ZMYND8: variants seen among roughly 807,000 people sequenced by gnomAD.
ZMYND8 encodes the protein MYND-type zinc finger-containing chromatin reader ZMYND8.
Under a neutral mutation model 140.8 loss-of-function variants are expected in ZMYND8, and 37 were observed. That is an observed-to-expected ratio of 0.26 (90% confidence interval 0.20 to 0.35). The LOEUF is 0.35. ZMYND8 is among the 10% of genes least tolerant of loss of function. The pLI, the probability that ZMYND8 is intolerant of heterozygous loss-of-function variation, is 1.00. For missense variants in ZMYND8, 1,068 were observed against 1,570.0 expected (o/e 0.68, Z 5.40); for synonymous variants, 592 against 597.1 (o/e 0.99, Z 0.12).
intron 18 of ZMYND8, among the ~76,000 whole-genome samples, chr20:47,225,502 G>A (rs1198552708): frequency 2.8e-5 from 4 of 140,736 alleles, no homozygotes; most frequent in East Asian, 2.2e-4. Context: ...TCAGTGAACC[G>A]AGATCATGCC....
At chr20:47,275,156 C>A (rs1245220364) in intron 11 of ZMYND8, among the ~76,000 whole-genome samples, 1 of 152,164 alleles carries the variant, frequency 6.6e-6, no homozygotes, top group Non-Finnish European at 1.5e-5. Flanking sequence ...GGAGATTTTA[C>A]TTAAAAACCT....
chr20:47,292,904 T>A (rs893185216), intron 5 of ZMYND8, among the ~76,000 whole-genome samples: 1 of 150,962 alleles, frequency 6.6e-6, no homozygotes, highest in Non-Finnish European at 1.5e-5. Context: ...ATAATAATAA[T>A]AAAAAAGTTA....
At chr20:47,247,140 G>C (rs1008743590) in intron 13 of ZMYND8, among the ~76,000 whole-genome samples, 4 of 152,244 alleles carry the variant, frequency 2.6e-5, no homozygotes, top group Non-Finnish European at 4.4e-5. Flanking sequence ...GGCCCACAGG[G>C]TATCTTGTCT....
intron 21 of ZMYND8, among the ~76,000 whole-genome samples, chr20:47,214,036 C>A (rs566348452): frequency 6.6e-6 from 1 of 151,168 alleles, no homozygotes; most frequent in Non-Finnish European, 1.5e-5. Context: ...GCTCATACCC[C>A]TAACTAAAAT....
At chr20:47,214,124 T>C (rs2035706501) in intron 21 of ZMYND8, among the ~76,000 whole-genome samples, 1 of 152,214 alleles carries the variant, frequency 6.6e-6, no homozygotes, top group African/African-American at 2.4e-5. Flanking sequence ...CTTGACGTTT[T>C]TAAAACCCAT....
intron 2 of ZMYND8, among the ~76,000 whole-genome samples, chr20:47,329,204 C>T (rs1049707481): frequency 2.0e-5 from 3 of 152,192 alleles, no homozygotes; most frequent in Non-Finnish European, 4.4e-5. Flanking sequence ...CTACAGCATT[C>T]AGCACAGCAT....
intron 5 of ZMYND8, among the ~76,000 whole-genome samples, chr20:47,292,419 A>C (rs1279490585): frequency 6.8e-6 from 1 of 147,420 alleles, no homozygotes; most frequent in Non-Finnish European, 1.5e-5. Flanking sequence ...ATACCATAGC[A>C]AAAAAAAAAC....
chr20:47,347,651 TACACA>T (rs1472919434), intron 2 of ZMYND8, among the ~76,000 whole-genome samples, 200 bp downstream of exon 2: 1 of 152,170 alleles, frequency 6.6e-6, no homozygotes, highest in Non-Finnish European at 1.5e-5. Flanking sequence ...TCAGGACCCC[TACACA>T]GGCACCAGGG....
In ZMYND8 at chr20:47,262,386, G is replaced by A. The variant is rs759136875; in HGVS notation, c.1523C>T (p.Ser508Phe). Residue 508 changes from serine (S) to phenylalanine (F), a missense_variant, in exon 12 of 23, where the codon TCC becomes TTC. By Grantham distance (155) the Ser-to-Phe change is radical (BLOSUM62 -2). Coordinates refer to ENST00000471951, the MANE Select transcript of ZMYND8 (RefSeq NM_001281775.3). Reference sequence around the variant, plus strand: ...AGGAGAGAAGGGCTTTGGGCTGCCGGATAAACTCCCTGCTTGTCCCGTCTT... The same window carrying A: ...AGGAGAGAAGGGCTTTGGGCTGCCGAATAAACTCCCTGCTTGTCCCGTCTT... Reference protein sequence around the residue: ...STKTGQAGSLSGSPKPFSPQL... With the variant: ...STKTGQAGSLFGSPKPFSPQL... 1 of 1,614,048 alleles carries A rather than the reference G, an allele frequency of 6.2e-7. No individual in the cohort carries two copies.
intron 1 of ZMYND8, chr20:47,349,984 T>A (rs570685647): frequency 6.6e-7 from 1 of 1,516,928 alleles, no homozygotes; most frequent in South Asian, 1.2e-5. Flanking sequence ...CAGGCAGGAA[T>A]GCTGCTGAGA....
intron 3 of ZMYND8, among the ~76,000 whole-genome samples, chr20:47,306,879 G>C (rs2078529239): frequency 6.6e-6 from 1 of 152,190 alleles, no homozygotes. Context: ...TTCAGAGGTG[G>C]ATGAAATGAG....
At chr20:47,297,910 CA>C (rs932158594) in intron 4 of ZMYND8, among the ~76,000 whole-genome samples, 65 of 152,204 alleles carry the variant, frequency 4.3e-4, no homozygotes, top group African/African-American at 1.5e-3. Context: ...ACACAGGAGG[CA>C]TACACACTGC....
chr20:47,327,243 C>T (rs573803508), intron 2 of ZMYND8, among the ~76,000 whole-genome samples: 28 of 151,956 alleles, frequency 1.8e-4, no homozygotes, highest in Middle Eastern at 3.4e-3. Flanking sequence ...CTCCAACTCC[C>T]GACCGCCCAC....
chr20:47,218,334 C>G (rs547877501), intron 21 of ZMYND8, among the ~76,000 whole-genome samples: 1 of 152,218 alleles, frequency 6.6e-6, no homozygotes, highest in East Asian at 1.9e-4. Context: ...CCTAACAGCA[C>G]CCCTCTGTCT....
intron 14 of ZMYND8, among the ~76,000 whole-genome samples, chr20:47,240,424 G>A (rs1388436482): frequency 6.6e-6 from 1 of 151,638 alleles, no homozygotes; most frequent in East Asian, 2.0e-4. Context: ...TGAGGCAGAA[G>A]AATCGCTTGA....
intron 16 of ZMYND8, among the ~76,000 whole-genome samples, chr20:47,233,629 A>G (rs1268626828): frequency 2.6e-5 from 4 of 151,958 alleles, no homozygotes; most frequent in Admixed American, 2.0e-4. Flanking sequence ...TTAAGTGCAC[A>G]CTCTCTAGGG....
chr20:47,261,777 T>C (rs1271946976), intron 12 of ZMYND8, among the ~76,000 whole-genome samples: 1 of 152,074 alleles, frequency 6.6e-6, no homozygotes, highest in African/African-American at 2.4e-5. Context: ...CTGGCCTGGA[T>C]AAAAGCACTT....
At chr20:47,216,105 G>A (rs900927828) in intron 21 of ZMYND8, among the ~76,000 whole-genome samples, 2 of 152,156 alleles carry the variant, frequency 1.3e-5, no homozygotes, top group Admixed American at 1.3e-4. Context: ...GGTGACGCAG[G>A]GAGAGATGCA....
chr20:47,277,016 T>C (rs980801035), intron 10 of ZMYND8, among the ~76,000 whole-genome samples: 1 of 151,952 alleles, frequency 6.6e-6, no homozygotes, highest in Non-Finnish European at 1.5e-5. Flanking sequence ...GGCGAAAACA[T>C]TTAAAAGTGC....
Sources: gnomAD v4.1 joint callset for allele counts (sites outside exome capture counted in the v4.1 genomes callset) on GRCh38, gnomAD v4.1.1 for gene constraint, MANE v1.5 for transcripts, NCBI Gene and HGNC (gene_info 2026-07-23, HGNC 2026-07-21) for gene names.